Variants in TSHZ2 observed in about 807,000 individuals in gnomAD.
The protein encoded by TSHZ2 is teashirt homolog 2.
A neutral mutation model predicts 74.4 loss-of-function variants in TSHZ2; 21 were observed. That is an observed-to-expected ratio of 0.28 (90% CI 0.20 to 0.41). The LOEUF is 0.41. TSHZ2 is among the 10% of genes least tolerant of loss of function. The pLI is 1.00. For missense variants in TSHZ2, 1,244 were observed against 1,293.5 expected (o/e 0.96, Z 0.59); for synonymous variants, 540 against 515.3 (o/e 1.05, Z -0.65).
intron 2 of TSHZ2, among the ~76,000 whole-genome samples, chr20:53,436,827 A>T (rs1017377746): frequency 1.3e-5 from 2 of 151,954 alleles, no homozygotes; most frequent in African/African-American, 4.8e-5. Context: ...CTGGGATTAC[A>T]GGTGTGAGCC....
In TSHZ2 at chr20:53,302,041, G is replaced by T. The variant is rs970226821; in HGVS notation, c.*8+45470G>T. On this transcript the variant is annotated intron_variant, in intron 2 of 2. Transcript: ENST00000371497. ...CCATAGCGATTTCGCACTGGCAAGTGGTATTGGGGAGCAGATTGGCATCGC... is the reference window on the plus strand; with the variant it reads ...CCATAGCGATTTCGCACTGGCAAGTTGTATTGGGGAGCAGATTGGCATCGC... Among the ~76,000 whole-genome samples, 20 of 152,178 alleles carry T rather than the reference G, an allele frequency of 1.3e-4. 1 individual carries two copies. Among genetic ancestry groups the T allele is most frequent in the African/African-American group, 4.6e-4 (19 of 41,442 alleles).
At chr20:53,335,183 C>G (rs1780503625) in intron 2 of TSHZ2, among the ~76,000 whole-genome samples, 1 of 152,158 alleles carries the variant, frequency 6.6e-6, no homozygotes, top group East Asian at 1.9e-4. Context: ...AACTTTTTGG[C>G]CTCACCAGAG....
intron 1 of TSHZ2, among the ~76,000 whole-genome samples, chr20:53,242,236 C>T (rs1021814438): frequency 7.9e-5 from 12 of 152,050 alleles, no homozygotes; most frequent in Admixed American, 6.6e-4. Context: ...CTGCCAGATA[C>T]CAGCAACACC....
intron 1 of TSHZ2, among the ~76,000 whole-genome samples, chr20:53,036,678 A>ATAATAT (rs11471442): frequency 0.68 from 99,827 of 146,386 alleles, 34,686 homozygotes; most frequent in East Asian, 0.96. Context: ...TAATCTGTAC[A>ATAATAT]TAATATGTGT....
intron 1 of TSHZ2, among the ~76,000 whole-genome samples, chr20:53,128,853 C>G (rs1401620192): frequency 2.0e-5 from 3 of 152,156 alleles, no homozygotes; most frequent in Non-Finnish European, 4.4e-5. Flanking sequence ...AACTCCTGAC[C>G]TCGGGATCCA....
At chr20:53,469,955 AGATATTACT>A (rs1347427414) in intron 2 of TSHZ2, among the ~76,000 whole-genome samples, 1 of 152,196 alleles carries the variant, frequency 6.6e-6, no homozygotes, top group Non-Finnish European at 1.5e-5. Context: ...GACACAACCC[AGATATTACT>A]GATATATAAC....
chr20:53,394,269 C>T (rs1043993300), intron 2 of TSHZ2, among the ~76,000 whole-genome samples: 9 of 152,264 alleles, frequency 5.9e-5, no homozygotes, highest in African/African-American at 2.2e-4. Context: ...CCGATGTCCC[C>T]AGTTGAGGTT....
At chr20:53,167,045 C>T (rs1194542987) in intron 1 of TSHZ2, among the ~76,000 whole-genome samples, 1 of 152,122 alleles carries the variant, frequency 6.6e-6, no homozygotes, top group African/African-American at 2.4e-5. Context: ...CCAGTCATGA[C>T]AAAAATCTGG....
At chr20:53,167,856 T>A (rs117722104) in intron 1 of TSHZ2, among the ~76,000 whole-genome samples, 4,381 of 152,234 alleles carry the variant, frequency 0.029, 101 homozygotes, top group South Asian at 0.053. Context: ...TAGCACCAAA[T>A]TGGAATAAAG....
At chr20:53,084,597 T>TG (rs1985631447) in intron 1 of TSHZ2, among the ~76,000 whole-genome samples, 2 of 18,412 alleles carry the variant, frequency 1.1e-4, no homozygotes, top group Admixed American at 1.8e-3. Flanking sequence ...CATCCTTTCC[T>TG]CTGTTTTTCT....
chr20:53,327,177 G>A lies in TSHZ2; in HGVS notation c.*8+70606G>A, dbSNP rs562537984. On this transcript the variant is annotated intron_variant, in intron 2 of 2. Transcript: ENST00000371497. ...TTGACCATCCACATTTGTTCATTCT[G>A]TTGGGTAGAATTTATCAAACCAGAA... Among the ~76,000 whole-genome samples the A allele has an allele frequency of 2.0e-5, 3 of 152,302 alleles. No individual in the cohort carries two copies. The East Asian group carries it at 5.8e-4, about 29-fold the overall frequency.
At chr20:53,065,144 A>T (rs1984940368) in intron 1 of TSHZ2, among the ~76,000 whole-genome samples, 1 of 152,242 alleles carries the variant, frequency 6.6e-6, no homozygotes, top group Non-Finnish European at 1.5e-5. Context: ...GATGCAACAC[A>T]CAATACCTAC....
intron 1 of TSHZ2, among the ~76,000 whole-genome samples, chr20:53,026,903 C>T (rs1022201810): frequency 4.0e-5 from 6 of 151,784 alleles, no homozygotes; most frequent in South Asian, 4.2e-4. Context: ...TTTTGGAGAT[C>T]GAGGTGGGAG....
chr20:53,383,318 C>A (rs1299261328), intron 2 of TSHZ2, among the ~76,000 whole-genome samples: 1 of 151,746 alleles, frequency 6.6e-6, no homozygotes, highest in African/African-American at 2.4e-5. Context: ...AAAGACTACA[C>A]AAATATTAGG....
intron 1 of TSHZ2, among the ~76,000 whole-genome samples, chr20:53,101,746 C>T (rs989359817): frequency 6.6e-6 from 1 of 152,076 alleles, no homozygotes; most frequent in Non-Finnish European, 1.5e-5. Context: ...AGTTCATCAT[C>T]AATTTATTTT....
chr20:53,321,697 A>AAGAAAAG (rs1979274144), intron 2 of TSHZ2, among the ~76,000 whole-genome samples: 1 of 140,550 alleles, frequency 7.1e-6, no homozygotes, highest in Admixed American at 7.4e-5. Flanking sequence ...AAAAAAAAAA[A>AAGAAAAG]AAAGAAAGAC....
At chr20:53,300,686 A>G (rs147696773) in intron 2 of TSHZ2, among the ~76,000 whole-genome samples, 1 of 152,294 alleles carries the variant, frequency 6.6e-6, no homozygotes, top group African/African-American at 2.4e-5. Context: ...TTTGCCTCAG[A>G]TCAGCCCAAC....
At chr20:53,295,962 T>C (rs1877429) in intron 2 of TSHZ2, among the ~76,000 whole-genome samples, 92,852 of 150,506 alleles carry the variant, frequency 0.62, 28,877 homozygotes, top group Middle Eastern at 0.69. Flanking sequence ...CTCATATATC[T>C]AATGTTCTGC....
Position 53,144,093 on chromosome 20 carries a change from A to G in TSHZ2, c.41-109406A>G, listed in dbSNP as rs371558066. Among the ~76,000 whole-genome samples the G allele has an allele frequency of 2.6e-4, 39 of 152,336 alleles. 1 individual carries two copies. Among genetic ancestry groups the G allele is most frequent in the African/African-American group, 8.9e-4 (37 of 41,578 alleles). ...GAGCCAGTTTATCCATCTGGGTGGT[A>G]CCAGCTGATCCACTGAGTGCAGGGT... On this transcript the variant is annotated intron_variant, in intron 1 of 2. Transcript: ENST00000371497.
Sources: allele counts gnomAD v4.1 joint callset (sites outside exome capture counted in the v4.1 genomes callset), GRCh38; gene constraint gnomAD v4.1.1; transcripts MANE v1.5; gene names NCBI Gene and HGNC (gene_info 2026-07-23, HGNC 2026-07-21).